Variants in XPO6 observed in about 807,000 individuals in gnomAD.
The protein encoded by XPO6 is exportin-6.
A neutral mutation model predicts 130.0 loss-of-function variants in XPO6; 3 were observed. The observed-to-expected ratio is 0.02, with a 90% CI of 0.01 to 0.06. XPO6 has a LOEUF of 0.06. Ranked by LOEUF, XPO6 falls within the 10% of genes least tolerant of loss-of-function variation. The pLI is 1.00. For missense variants in XPO6, 970 were observed against 1,393.0 expected, an observed-to-expected ratio of 0.70 and a Z score of 4.83; for synonymous variants, 524 against 548.9, an observed-to-expected ratio of 0.95 and a Z score of 0.63.
At chr16:28,160,867 A>G (rs2043267628) in intron 6 of XPO6, among the ~76,000 whole-genome samples, 1 of 152,364 alleles carries the variant, frequency 6.6e-6, no homozygotes, top group Non-Finnish European at 1.5e-5. Context: ...TCATGTTAGC[A>G]TAACATTTTT....
chr16:28,186,663 T>G (rs2043700762), intron 1 of XPO6, among the ~76,000 whole-genome samples: 1 of 129,472 alleles, frequency 7.7e-6, no homozygotes, highest in African/African-American at 2.7e-5. Flanking sequence ...AGCCTCTGCA[T>G]TCAGCCTAAT....
At chr16:28,154,170 G>A (rs763012656) in intron 7 of XPO6, 12 of 977,372 alleles carry the variant, frequency 1.2e-5, no homozygotes, top group Non-Finnish European at 1.4e-5. Context: ...CTTATGTACC[G>A]CATGATAGTT....
At chr16:28,160,184 TAAAA>T (rs56947792) in intron 6 of XPO6, among the ~76,000 whole-genome samples, 6,227 of 76,180 alleles carry the variant, frequency 0.082, 296 homozygotes, top group African/African-American at 0.13. Context: ...GCCTCCGTCT[TAAAA>T]AAAAAAAAAA....
chr16:28,109,402 C>T (rs1018021887), intron 17 of XPO6, among the ~76,000 whole-genome samples: 4 of 151,612 alleles, frequency 2.6e-5, no homozygotes, highest in East Asian at 3.9e-4. Flanking sequence ...CTCTTGACCT[C>T]GCCCACTTTC....
At chr16:28,185,089 G>A (rs2043673338) in intron 1 of XPO6, among the ~76,000 whole-genome samples, 1 of 152,122 alleles carries the variant, frequency 6.6e-6, no homozygotes, top group South Asian at 2.1e-4. Flanking sequence ...AAGACAACAG[G>A]AATTAATATT....
At chr16:28,172,209 A>C (rs895499937) in intron 4 of XPO6, among the ~76,000 whole-genome samples, 1 of 152,224 alleles carries the variant, frequency 6.6e-6, no homozygotes, top group South Asian at 2.1e-4. Flanking sequence ...TTTTCCTCTC[A>C]TTAGCTTTGT....
rs200417387 is a variant in XPO6 at position 28,156,024 on chromosome 16, A to C, written c.1097+50T>G. On this transcript the variant is annotated intron_variant, in intron 7 of 23. Coordinates refer to ENST00000304658, the MANE Select transcript of XPO6 (RefSeq NM_015171.4). ...TGCCATGCAGCACAGCATGGTAAAC[A>C]GTCAGGGCCCTTTCTTGGGGCACAC... The C allele has an allele frequency of 1.7e-5, 26 of 1,544,642 alleles. No individual in the cohort carries two copies. The African/African-American group carries it at 3.3e-4, about 20-fold the overall frequency.
Position 28,125,793 on chromosome 16 carries a change from C to T in XPO6, c.1662G>A (p.Leu554=), listed in dbSNP as rs1192747639. 4 of 1,614,084 alleles carry T rather than the reference C, an allele frequency of 2.5e-6. No homozygotes were observed. Among genetic ancestry groups the T allele is most frequent in the Non-Finnish European group, 3.4e-6 (4 of 1,180,054 alleles). ...CCTGCAGCAGGGAGCTCAAGTCTCT[C>T]AGGGAGCAGTGCAGCCGCCGGCAGT... ...ENDCRRLHCS[L]RDLSSLLQAV... is the part of the protein sequence containing the mutation. The change falls in exon 13 of 24, where the codon CTG becomes CTA. Residue 554 remains leucine (L), a synonymous_variant. Transcript: ENST00000304658.
At chr16:28,176,354 A>G (rs2043533653) in intron 3 of XPO6, among the ~76,000 whole-genome samples, 1 of 152,246 alleles carries the variant, frequency 6.6e-6, no homozygotes, top group Non-Finnish European at 1.5e-5. Flanking sequence ...TCTAATGGCC[A>G]CCAAAATATA....
At chr16:28,192,614 T>C (rs2043804527) in intron 1 of XPO6, among the ~76,000 whole-genome samples, 1 of 152,116 alleles carries the variant, frequency 6.6e-6, no homozygotes, top group Admixed American at 6.5e-5. Context: ...AGTGTTCTGA[T>C]GCAGTGACCT....
chr16:28,123,120 T>C (rs1288155392), intron 13 of XPO6, among the ~76,000 whole-genome samples: 1 of 152,090 alleles, frequency 6.6e-6, no homozygotes, highest in South Asian at 2.1e-4. Context: ...TCCTCTTTTT[T>C]TTGAGAAAGC....
At chr16:28,192,033 G>T (rs1394944540) in intron 1 of XPO6, among the ~76,000 whole-genome samples, 2 of 152,158 alleles carry the variant, frequency 1.3e-5, no homozygotes, top group Non-Finnish European at 2.9e-5. Flanking sequence ...GCTGAGGCAG[G>T]CAGATCACCT....
intron 6 of XPO6, among the ~76,000 whole-genome samples, chr16:28,157,922 C>T (rs2043208963): frequency 6.6e-6 from 1 of 152,186 alleles, no homozygotes; most frequent in Non-Finnish European, 1.5e-5. Flanking sequence ...GCAACCCTCA[C>T]ACGGGTCCAT....
chr16:28,140,693 A>ATT (rs71140948), intron 9 of XPO6, among the ~76,000 whole-genome samples: 2 of 147,680 alleles, frequency 1.4e-5, no homozygotes, highest in African/African-American at 5.0e-5. Flanking sequence ...AAAAAAAAAA[A>ATT]TTTTTTTTGA....
intron 9 of XPO6, among the ~76,000 whole-genome samples, chr16:28,140,950 C>T (rs1179228081): frequency 6.6e-6 from 1 of 152,160 alleles, no homozygotes; most frequent in Non-Finnish European, 1.5e-5. Context: ...AGGATTGAAG[C>T]ATATTCCTGG....
chr16:28,141,577 G>C (rs759988021), intron 9 of XPO6, among the ~76,000 whole-genome samples: 20 of 152,098 alleles, frequency 1.3e-4, no homozygotes, highest in Non-Finnish European at 2.9e-4. Flanking sequence ...ATACAGATCA[G>C]GATGATCTAC....
intron 4 of XPO6, among the ~76,000 whole-genome samples, chr16:28,171,868 G>C (rs1407153662): frequency 6.6e-6 from 1 of 152,142 alleles, no homozygotes; most frequent in Non-Finnish European, 1.5e-5. Flanking sequence ...TGGCTTATCA[G>C]TCTATATTCT....
chr16:28,128,007 C>T (rs1232376475), intron 12 of XPO6, among the ~76,000 whole-genome samples: 1 of 152,198 alleles, frequency 6.6e-6, no homozygotes, highest in Non-Finnish European at 1.5e-5. Context: ...CCATCCCACC[C>T]AGCCAGACGA....
chr16:28,187,400 A>G (rs574950933), intron 1 of XPO6, among the ~76,000 whole-genome samples: 31 of 152,228 alleles, frequency 2.0e-4, no homozygotes, highest in African/African-American at 6.5e-4. Flanking sequence ...CAGAATGGCA[A>G]AAGTTTTAAA....
Sources: gnomAD v4.1 joint callset for allele counts (sites outside exome capture counted in the v4.1 genomes callset) on GRCh38, gnomAD v4.1.1 for gene constraint, MANE v1.5 for transcripts, NCBI Gene and HGNC (gene_info 2026-07-23, HGNC 2026-07-21) for gene names.